The following NOP58 variants were observed in gnomAD, a reference collection of about 807,000 sequenced individuals.
NOP58 encodes nucleolar protein 58.
A neutral mutation model predicts 71.2 loss-of-function variants in NOP58; 44 were observed. That is an observed-to-expected ratio of 0.62 (90% confidence interval 0.49 to 0.79). The LOEUF (loss-of-function observed/expected upper bound fraction) is 0.79, where lower values mean the gene tolerates loss of function less well. Among genes scored for constraint, NOP58 ranks in the 30% least tolerant of loss-of-function variants. The probability of loss-of-function intolerance (pLI) is 0.00; values close to 1 mark genes in which losing one functional copy is unlikely to be tolerated. For synonymous variants in NOP58, 228 were observed against 200.3 expected (o/e 1.14, Z -1.17); for missense variants, 538 against 620.2 (o/e 0.87, Z 1.41).
At chr2:202,286,062 G>T (rs1050637310) in intron 5 of NOP58, among the ~76,000 whole-genome samples, 1 of 151,254 alleles carries the variant, frequency 6.6e-6, no homozygotes, top group Non-Finnish European at 1.5e-5. Flanking sequence ...GGCGCCTGTA[G>T]TCCCAGCTAC....
chr2:202,267,568 A>C (rs1338311962), intron 1 of NOP58, among the ~76,000 whole-genome samples: 1 of 152,158 alleles, frequency 6.6e-6, no homozygotes, highest in Non-Finnish European at 1.5e-5. Flanking sequence ...GCTTTTTGGA[A>C]TCTTATCTAA....
chr2:202,302,853 A>G (rs898089788), intron 13 of NOP58, 68 bp from the exon 14 acceptor site: 30 of 1,515,076 alleles, frequency 2.0e-5, no homozygotes, highest in Non-Finnish European at 2.4e-5. Context: ...TAGGACTCAA[A>G]CGTTTTTGGA....
intron 13 of NOP58, among the ~76,000 whole-genome samples, chr2:202,300,618 T>A (rs1384405775): frequency 6.6e-6 from 1 of 152,254 alleles, no homozygotes; most frequent in African/African-American, 2.4e-5. Flanking sequence ...TCATTTCTCC[T>A]ACATGAACTA....
Position 202,278,160 on chromosome 2 carries a change from C to T in NOP58, c.175+158C>T, listed in dbSNP as rs1688638066. On this transcript the variant is annotated intron_variant, in intron 3 of 14. Transcript: ENST00000264279. ...TTGGAACTGAATTTAAGTGATCTGA[C>T]TCATTCGTCACTACCACTGAGACAA... 9.6e-6 allele frequency: 7 copies of T among 730,074 alleles called. No individual in the cohort carries two copies. The Middle Eastern group carries it at 9.6e-4, about 100-fold the overall frequency. The allele number at this position is 730,074 out of a possible 1,614,324, so 45.2% of individuals were successfully genotyped here. A position where few individuals can be genotyped will look rare whatever the true frequency, so the allele number is the denominator to read the frequency against.
At chr2:202,289,407 G>A (rs1374479804) in intron 6 of NOP58, among the ~76,000 whole-genome samples, 3 of 152,166 alleles carry the variant, frequency 2.0e-5, no homozygotes, top group Non-Finnish European at 4.4e-5. Flanking sequence ...CTGACCACAC[G>A]TCAAAACTTT....
intron 1 of NOP58, among the ~76,000 whole-genome samples, chr2:202,271,835 T>G (rs998602773): frequency 7.9e-5 from 12 of 152,084 alleles, no homozygotes; most frequent in Non-Finnish European, 1.6e-4. Flanking sequence ...TCCTAGCTAC[T>G]TGGGAGGCCG....
chr2:202,266,295 C>T (rs1027573256), intron 1 of NOP58, among the ~76,000 whole-genome samples: 24 of 149,878 alleles, frequency 1.6e-4, no homozygotes, highest in African/African-American at 5.8e-4. Flanking sequence ...GAGGAATGAT[C>T]GAAAGATTTT....
At chr2:202,270,336 A>G (rs1376594818) in intron 1 of NOP58, among the ~76,000 whole-genome samples, 1 of 152,230 alleles carries the variant, frequency 6.6e-6, no homozygotes, top group Non-Finnish European at 1.5e-5. Flanking sequence ...GCTTTTTCAC[A>G]TTTGTTGCGT....
At chr2:202,290,485 A>G (rs774497099) in intron 7 of NOP58, 28 bp downstream of exon 7, 1 of 1,574,892 alleles carries the variant, frequency 6.3e-7, no homozygotes, top group South Asian at 1.1e-5. Flanking sequence ...CCTTTAAGGC[A>G]TTGAAAGTAA....
Position 202,265,765 on chromosome 2 carries a change from A to T in NOP58, c.-177A>T. 1.6e-6 allele frequency: 1 copy of T among 624,476 alleles called. No homozygotes were observed. Among genetic ancestry groups the T allele is most frequent in the Non-Finnish European group, 2.8e-6 (1 of 354,314 alleles). The allele number at this position is 624,476 out of a possible 1,614,324, so 38.7% of individuals were successfully genotyped here. ...AAGGAGTAGCGCGTTCGTGCGTCCT[A>T]GTTCCAGTACAGCGTGGAGGGTTTA... On this transcript the variant is annotated 5_prime_UTR_variant, in exon 1 of 15. Transcript: ENST00000264279.
intron 13 of NOP58, 114 bp from the exon 14 acceptor site, chr2:202,302,807 A>G: frequency 7.2e-7 from 1 of 1,389,732 alleles, no homozygotes; most frequent in South Asian, 1.5e-5. Context: ...AAACAAAACA[A>G]ACATTGGGTA....
At chr2:202,272,052 G>A (rs931775345) in intron 1 of NOP58, among the ~76,000 whole-genome samples, 3 of 151,760 alleles carry the variant, frequency 2.0e-5, no homozygotes, top group Non-Finnish European at 2.9e-5. Flanking sequence ...TTCTAGTCTG[G>A]TTATATATTA....
chr2:202,287,769 A>G (rs1574383840), intron 6 of NOP58, 45 bp downstream of exon 6: 3 of 1,309,350 alleles, frequency 2.3e-6, no homozygotes, highest in Non-Finnish European at 3.3e-6. Context: ...TCTGTCCTTC[A>G]TGCGTTTTCA....
intron 5 of NOP58, 116 bp downstream of exon 5, chr2:202,284,597 A>C: frequency 9.1e-7 from 1 of 1,096,006 alleles, no homozygotes; most frequent in Non-Finnish European, 1.3e-6. Context: ...CTTATGAAGA[A>C]GATGATAGTA....
intron 13 of NOP58, among the ~76,000 whole-genome samples, chr2:202,300,791 G>A (rs1446951228): frequency 2.0e-5 from 3 of 152,132 alleles, no homozygotes; most frequent in South Asian, 2.1e-4. Flanking sequence ...GTAGCCTGCC[G>A]TCATAGTTAC....
intron 8 of NOP58, among the ~76,000 whole-genome samples, chr2:202,291,631 C>T: frequency 6.6e-6 from 1 of 151,650 alleles, no homozygotes; most frequent in East Asian, 1.9e-4. Flanking sequence ...TATGATGAAA[C>T]CCCCATCTCT....
intron 1 of NOP58, among the ~76,000 whole-genome samples, chr2:202,269,782 C>G (rs1688486498): frequency 6.6e-6 from 1 of 152,146 alleles, no homozygotes; most frequent in South Asian, 2.1e-4. Context: ...CACCTGTGTC[C>G]TTGTGTCACG....
At chr2:202,291,296 G>A (rs1276605890) in intron 8 of NOP58, 26 bp downstream of exon 8, 1 of 1,573,790 alleles carries the variant, frequency 6.4e-7, no homozygotes, top group East Asian at 2.3e-5. Context: ...GGAGAATCTA[G>A]TTGTGGTGTT....
chr2:202,298,424 G>T (rs1423596962), intron 12 of NOP58, among the ~76,000 whole-genome samples: 5 of 152,192 alleles, frequency 3.3e-5, no homozygotes, highest in Non-Finnish European at 7.3e-5. Context: ...GCTGAGGCAG[G>T]CAGATCACCT....
Sources: gnomAD v4.1 joint callset for allele counts (sites outside exome capture counted in the v4.1 genomes callset) on GRCh38, gnomAD v4.1.1 for gene constraint, MANE v1.5 for transcripts, NCBI Gene and HGNC (gene_info 2026-07-23, HGNC 2026-07-21) for gene names.